Variants in NDUFAF4 observed in about 807,000 individuals in gnomAD.
NDUFAF4 encodes the protein NADH dehydrogenase [ubiquinone] 1 alpha subcomplex assembly factor 4.
In NDUFAF4, 10 loss-of-function variants were observed where a neutral mutation model predicts 15.6. The ratio of observed to expected loss-of-function variants is 0.64; its 90% CI spans 0.40 to 1.09. The LOEUF (loss-of-function observed/expected upper bound fraction) is 1.09, where lower values mean the gene tolerates loss of function less well. Among genes scored for constraint, NDUFAF4 ranks in the 50% least tolerant of loss-of-function variants. The pLI is 0.01. For missense variants in NDUFAF4, 203 were observed against 207.3 expected (o/e 0.98, Z 0.13); for synonymous variants, 77 against 73.3 (o/e 1.05, Z -0.26).
At position 96,896,874 on chromosome 6, in the gene NDUFAF4, T is replaced by C. The variant is rs1359156868; in HGVS notation, c.137-27A>G. Reference sequence around the variant, plus strand: ...TAAGGAAAGGAAAAAAGTCACAATATTAAAATCAAGGAAAATTTCCTGTAA... The same window carrying C: ...TAAGGAAAGGAAAAAAGTCACAATACTAAAATCAAGGAAAATTTCCTGTAA... On this transcript the variant is annotated intron_variant, in intron 1 of 2. Coordinates refer to ENST00000316149, the MANE Select transcript of NDUFAF4 (RefSeq NM_014165.4). 33 of 1,542,812 alleles carry C rather than the reference T, an allele frequency of 2.1e-5. No homozygotes were observed. The East Asian group carries it at 5.8e-4, about 27-fold the overall frequency.
chr6:96,897,615 A>G (rs772575575), intron 1 of NDUFAF4, 51 bp downstream of exon 1: 1 of 1,610,270 alleles, frequency 6.2e-7, no homozygotes, highest in South Asian at 1.1e-5. Flanking sequence ...ACAGCCGGGC[A>G]GCACAGGGAC....
chr6:96,894,479 G>T (rs1000301452), intron 2 of NDUFAF4, among the ~76,000 whole-genome samples: 1 of 152,150 alleles, frequency 6.6e-6, no homozygotes, highest in Non-Finnish European at 1.5e-5. Flanking sequence ...AAAATCATAT[G>T]GCGAGAGTGC....
Position 96,891,031 on chromosome 6 carries a change from TA to T in NDUFAF4, c.*72del. ...TAAATATTTGGTAATTAACATAATTTATTACGCAAAAAATGAGAAAATATAC... is the reference window on the plus strand; with the variant it reads ...TAAATATTTGGTAATTAACATAATTTTTACGCAAAAAATGAGAAAATATAC... On this transcript the variant is annotated 3_prime_UTR_variant, in exon 3 of 3. Coordinates refer to ENST00000316149, the MANE Select transcript of NDUFAF4 (RefSeq NM_014165.4). The T allele has an allele frequency of 7.3e-7, 1 of 1,363,130 alleles. No homozygotes were observed. The highest frequency in any genetic ancestry group is 1.8e-5 in the Admixed American group (1 of 55,838). 84.4% of individuals were successfully genotyped at this position (1,363,130 alleles called of 1,614,324 possible).
intron 2 of NDUFAF4, among the ~76,000 whole-genome samples, chr6:96,895,327 T>C (rs1295665758): frequency 6.6e-6 from 1 of 152,042 alleles, no homozygotes; most frequent in Non-Finnish European, 1.5e-5. Context: ...AATAAATATG[T>C]TAAAAAGTCA....
In NDUFAF4 at chr6:96,897,849, C is replaced by T. The variant is rs768426462; in HGVS notation, c.-48G>A. The stretch of plus-strand genomic sequence containing the variant: ...AGGTTCAGGCCGCACGTGGGAACAC[C>T]GGCGCAGGACAACTCCGGGACACCC... On this transcript the variant is annotated 5_prime_UTR_variant, in exon 1 of 3. Transcript: ENST00000316149. The T allele has an allele frequency of 1.4e-5, 23 of 1,612,462 alleles. No individual in the cohort carries two copies. The highest frequency in any genetic ancestry group is 1.9e-5 in the Non-Finnish European group (22 of 1,179,224).
chr6:96,894,225 T>A (rs941161169), intron 2 of NDUFAF4, among the ~76,000 whole-genome samples: 1 of 152,212 alleles, frequency 6.6e-6, no homozygotes, highest in Non-Finnish European at 1.5e-5. Flanking sequence ...GTCTAGGATG[T>A]GAATCCTCCC....
rs1775293709 is a variant in NDUFAF4 at position 96,890,065 on chromosome 6, T to A, written c.*1039A>T. 6.6e-6 allele frequency: 1 copy of A among 152,006 alleles called. No individual in the cohort carries two copies. The highest frequency in any genetic ancestry group is 2.1e-4 in the South Asian group (1 of 4,812). The allele number at this position is 152,006 out of a possible 1,614,324, so 9.4% of individuals were successfully genotyped here. On this transcript the variant is annotated 3_prime_UTR_variant, in exon 3 of 3. Transcript: ENST00000316149. ...CCAAGAAGATATAGTCTCCCAAAGATCCCCCAAGTAGTAATATATTAGGCA... is the reference window on the plus strand; with the variant it reads ...CCAAGAAGATATAGTCTCCCAAAGAACCCCCAAGTAGTAATATATTAGGCA...
chr6:96,896,761 G>A lies in NDUFAF4; in HGVS notation c.223C>T (p.Pro75Ser). 1 of 1,611,884 alleles carries A rather than the reference G, an allele frequency of 6.2e-7. No homozygotes were observed. Among genetic ancestry groups the A allele is most frequent in the Non-Finnish European group, 8.5e-7 (1 of 1,178,916 alleles). Residue 75 changes from proline to serine, a missense_variant, in exon 2 of 3, where the codon CCT becomes TCT. Coordinates refer to ENST00000316149, the MANE Select transcript of NDUFAF4 (RefSeq NM_014165.4). ...ACATTTACCTGCAAGGAAGACACAGGATCTTTGGAATCAACATACACATCT... is the reference window on the plus strand; with the variant it reads ...ACATTTACCTGCAAGGAAGACACAGAATCTTTGGAATCAACATACACATCT... ...LKDVYVDSKDPVSSLQVKAAE... is the reference protein window; with the variant it reads ...LKDVYVDSKDSVSSLQVKAAE...
At chr6:96,895,279 C>A (rs1775358023) in intron 2 of NDUFAF4, among the ~76,000 whole-genome samples, 2 of 151,982 alleles carry the variant, frequency 1.3e-5, no homozygotes, top group Non-Finnish European at 2.9e-5. Flanking sequence ...TCCTTTACCA[C>A]AAAAGGCAAA....
intron 2 of NDUFAF4, among the ~76,000 whole-genome samples, chr6:96,895,343 C>T (rs1025339677): frequency 6.6e-6 from 1 of 151,912 alleles, no homozygotes; most frequent in Non-Finnish European, 1.5e-5. Context: ...AGTCAGACAA[C>T]AAATAAATTA....
rs2127973969 is a variant in NDUFAF4, at chr6:96,890,137, T to C, written c.*967A>G. On this transcript the variant is annotated 3_prime_UTR_variant, in exon 3 of 3. Transcript: ENST00000316149. ...TCAAGATCCTAGTACTGGTACATGCTATGCTAATTAAATTTGCTAAAATGG... is the reference window on the plus strand; with the variant it reads ...TCAAGATCCTAGTACTGGTACATGCCATGCTAATTAAATTTGCTAAAATGG... 1 of 152,268 alleles carries C rather than the reference T, an allele frequency of 6.6e-6. No individual in the cohort carries two copies. The highest frequency in any genetic ancestry group is 2.4e-5 in the African/African-American group (1 of 41,552). 9.4% of individuals were successfully genotyped at this position (152,268 alleles called of 1,614,324 possible).
At chr6:96,892,032 TCAC>T (rs1358325979) in intron 2 of NDUFAF4, among the ~76,000 whole-genome samples, 1 of 152,146 alleles carries the variant, frequency 6.6e-6, no homozygotes, top group Non-Finnish European at 1.5e-5. Context: ...TACCATCCAC[TCAC>T]CACATTATTT....
rs10499008 is a variant in NDUFAF4 at position 96,890,772 on chromosome 6, T to C, written c.*332A>G. On this transcript the variant is annotated 3_prime_UTR_variant, in exon 3 of 3. Coordinates refer to ENST00000316149, the MANE Select transcript of NDUFAF4 (RefSeq NM_014165.4). Reference sequence around the variant, plus strand: ...TGGAAAGTAAAACTCAGTTGAGGGATTCAGGACATTTCCCAAGGGGTAATA... The same window carrying C: ...TGGAAAGTAAAACTCAGTTGAGGGACTCAGGACATTTCCCAAGGGGTAATA... 4.2e-6 allele frequency: 1 copy of C among 240,852 alleles called. No homozygotes were observed. Among genetic ancestry groups the C allele is most frequent in the Non-Finnish European group, 8.0e-6 (1 of 124,310 alleles). The allele number at this position is 240,852 out of a possible 1,614,324, so 14.9% of individuals were successfully genotyped here. A position where few individuals can be genotyped will look rare whatever the true frequency, so the allele number is the denominator to read the frequency against.
chr6:96,895,076 A>T lies in NDUFAF4; in HGVS notation c.240+1668T>A, dbSNP rs141025944. On this transcript the variant is annotated intron_variant, in intron 2 of 2. Coordinates refer to ENST00000316149, the MANE Select transcript of NDUFAF4 (RefSeq NM_014165.4). Reference sequence around the variant, plus strand: ...CTAGAGATGCATTTTAAGTAAGTGGAGAAAGGTCTGGGCTCTTCAACAAAT... The same window carrying T: ...CTAGAGATGCATTTTAAGTAAGTGGTGAAAGGTCTGGGCTCTTCAACAAAT... 8.8e-3 allele frequency among the ~76,000 whole-genome samples: 1,338 copies of T among 152,340 alleles called. 20 individuals carry two copies. Among genetic ancestry groups the T allele is most frequent in the African/African-American group, 0.03 (1,261 of 41,586 alleles).
At chr6:96,892,651 C>T (rs1021419903) in intron 2 of NDUFAF4, among the ~76,000 whole-genome samples, 2 of 152,154 alleles carry the variant, frequency 1.3e-5, no homozygotes, top group African/African-American at 2.4e-5. Context: ...CTGCTGACCA[C>T]TCCAATGTAC....
At chr6:96,894,322 G>A (rs1775346513) in intron 2 of NDUFAF4, among the ~76,000 whole-genome samples, 1 of 152,150 alleles carries the variant, frequency 6.6e-6, no homozygotes, top group East Asian at 1.9e-4. Context: ...TGGCATCACT[G>A]TGCTTGTGTC....
chr6:96,896,921 A>C, intron 1 of NDUFAF4, 74 bp from the exon 2 acceptor site: 4 of 1,063,828 alleles, frequency 3.8e-6, no homozygotes, highest in Non-Finnish European at 2.9e-6. Flanking sequence ...CTTAACACAA[A>C]CGCTTTCTTT....
At chr6:96,896,882 AAG>A (rs750047806) in intron 1 of NDUFAF4, 35 bp from the exon 2 acceptor site, 1 of 1,487,224 alleles carries the variant, frequency 6.7e-7, no homozygotes, top group East Asian at 2.3e-5. Flanking sequence ...TATTAAAATC[AAG>A]GAAAATTTCC....
Position 96,891,269 on chromosome 6 carries a change from T to C in NDUFAF4, c.363A>G (p.Thr121=). The C allele has an allele frequency of 6.2e-7, 1 of 1,613,852 alleles. No homozygotes were observed. The highest frequency in any genetic ancestry group is 8.5e-7 in the Non-Finnish European group (1 of 1,179,864). Residue 121 remains threonine, a synonymous_variant, in exon 3 of 3, where the codon ACA becomes ACG. Transcript: ENST00000316149. ...GGAAAAGCTTATGATTATTGAGAAG[T>C]GTCAATGCTTCTACAATGGAAATTT... is the stretch of plus-strand genomic sequence containing the variant. The part of the protein sequence containing the change: ...KGKISIVEAL[T]LLNNHKLFPE...
Sources: gnomAD v4.1 joint callset for allele counts (sites outside exome capture counted in the v4.1 genomes callset) on GRCh38, gnomAD v4.1.1 for gene constraint, MANE v1.5 for transcripts, NCBI Gene and HGNC (gene_info 2026-07-23, HGNC 2026-07-21) for gene names.